ME2: variants seen among roughly 807,000 people sequenced by gnomAD.
ME2 encodes malic enzyme 2.
Under a neutral mutation model 73.7 loss-of-function variants are expected in ME2, and 60 were observed. The ratio of observed to expected loss-of-function variants is 0.81; its 90% CI spans 0.66 to 1.01. The LOEUF is 1.01. ME2 is among the 50% of genes least tolerant of loss of function. The pLI is 0.00. For synonymous variants in ME2, 199 were observed against 236.9 expected (o/e 0.84, Z 1.47); for missense variants, 594 against 705.5 (o/e 0.84, Z 1.79).
chr18:50,943,331 ACTCTGTCACC>A (rs1180680917), intron 15 of ME2, among the ~76,000 whole-genome samples: 5 of 151,062 alleles, frequency 3.3e-5, no homozygotes, highest in Admixed American at 6.6e-5. Context: ...GCCGAGTTTT[ACTCTGTCACC>A]CAGGTTGGAG....
At chr18:50,894,554 A>G (rs1464531275) in intron 1 of ME2, among the ~76,000 whole-genome samples, 1 of 138,044 alleles carries the variant, frequency 7.2e-6, no homozygotes, top group East Asian at 2.2e-4. Flanking sequence ...GGTGACAGAA[A>G]GAGACTCCAT....
chr18:50,941,948 T>C (rs1305485262), intron 15 of ME2, among the ~76,000 whole-genome samples: 1 of 151,950 alleles, frequency 6.6e-6, no homozygotes, highest in Non-Finnish European at 1.5e-5. Context: ...ATATTAAGTG[T>C]ATATATACTG....
chr18:50,879,785 T>G (rs954497784), intron 1 of ME2, among the ~76,000 whole-genome samples: 1 of 152,254 alleles, frequency 6.6e-6, no homozygotes, highest in Non-Finnish European at 1.5e-5. Flanking sequence ...AAAAAAAGAC[T>G]TGCTGCGGGC....
rs1205729083 is a variant in ME2, at chr18:50,950,042, G to T, written c.*2858G>T. 1 of 152,136 alleles carries T rather than the reference G, an allele frequency of 6.6e-6. No individual in the cohort carries two copies. Among genetic ancestry groups the T allele is most frequent in the African/African-American group, 2.4e-5 (1 of 41,418 alleles). The allele number at this position is 152,136 out of a possible 1,614,324, so 9.4% of individuals were successfully genotyped here. ...ACAGCAATAGAGAATCTTTTATTTT[G>T]AATTGAGAAGAAATTCTGATGATTA... On this transcript the variant is annotated 3_prime_UTR_variant, in exon 16 of 16. Coordinates refer to ENST00000321341, the MANE Select transcript of ME2 (RefSeq NM_002396.5).
chr18:50,885,257 C>T (rs1916432409), intron 1 of ME2, among the ~76,000 whole-genome samples: 1 of 152,228 alleles, frequency 6.6e-6, no homozygotes, highest in Admixed American at 6.5e-5. Context: ...TGTGATGGCT[C>T]ATGCCTCTAA....
chr18:50,907,100 A>G (rs993543929), intron 2 of ME2, among the ~76,000 whole-genome samples: 3 of 152,128 alleles, frequency 2.0e-5, no homozygotes, highest in Admixed American at 6.5e-5. Flanking sequence ...ACTTCTGGGG[A>G]AATGGCTTTT....
At chr18:50,910,136 T>A (rs1186193556) in intron 3 of ME2, among the ~76,000 whole-genome samples, 1 of 151,380 alleles carries the variant, frequency 6.6e-6, no homozygotes, top group Non-Finnish European at 1.5e-5. Flanking sequence ...GGCTATAAGA[T>A]AAAGCTGAAC....
chr18:50,927,751 T>TATATATATATATATACACAC (rs1316314513), intron 12 of ME2, among the ~76,000 whole-genome samples: 1 of 123,292 alleles, frequency 8.1e-6, no homozygotes, highest in African/African-American at 3.3e-5. Context: ...TATATATATA[T>TATATATATATATATACACAC]ACACACCACA....
chr18:50,881,487 C>T (rs1205002173), intron 1 of ME2, among the ~76,000 whole-genome samples: 1 of 151,932 alleles, frequency 6.6e-6, no homozygotes, highest in African/African-American at 2.4e-5. Context: ...TTGAAAGTTA[C>T]GATTTTGATT....
chr18:50,946,611 AT>A (rs1374606721), intron 15 of ME2, among the ~76,000 whole-genome samples: 1 of 152,178 alleles, frequency 6.6e-6, no homozygotes, highest in African/African-American at 2.4e-5. Context: ...ATCCTGATTT[AT>A]AATAATTACT....
rs1918261741 is a variant in ME2, at chr18:50,953,315, G to A, written c.*6131G>A. 1 of 152,152 alleles carries A rather than the reference G, an allele frequency of 6.6e-6. No homozygotes were observed. Among genetic ancestry groups the A allele is most frequent in the Non-Finnish European group, 1.5e-5 (1 of 68,016 alleles). 9.4% of individuals were successfully genotyped at this position (152,152 alleles called of 1,614,324 possible). Reference sequence around the variant, plus strand: ...GGGTTTCACCGTGTTAGCCAGGATGGTCTCGATCTCCTGACCTCATGATCC... The same window carrying A: ...GGGTTTCACCGTGTTAGCCAGGATGATCTCGATCTCCTGACCTCATGATCC... On this transcript the variant is annotated 3_prime_UTR_variant, in exon 16 of 16. Transcript: ENST00000321341.
At position 50,920,709 on chromosome 18, in the gene ME2, T is replaced by A; in HGVS notation, c.893T>A (p.Ile298Asn). 6.2e-7 allele frequency: 1 copy of A among 1,612,290 alleles called. No homozygotes were observed. The highest frequency in any genetic ancestry group is 1.1e-5 in the South Asian group (1 of 90,922). The change falls in exon 9 of 16, where the codon ATT (isoleucine) becomes AAT (asparagine). Residue 298 changes from isoleucine to asparagine, a missense_variant. Ile to Asn is a moderately radical substitution (Grantham distance 149). Transcript: ENST00000321341. ...GGTCTTCTTGCAGCACAAAAAGTTA[T>A]TAGTAAACCAATCTCCGAACACAAA... ...LAGLLAAQKV[I>N]SKPISEHKIL...
Position 50,914,474 on chromosome 18 carries a change from G to T in ME2, c.392+1524G>T, listed in dbSNP as rs145203064. On this transcript the variant is annotated intron_variant, in intron 4 of 15. Coordinates refer to ENST00000321341, the MANE Select transcript of ME2 (RefSeq NM_002396.5). ...TGAGAACTGACTTGAAACATGAAGA[G>T]CATGGCTTATGTGTGAGGGCAAATA... Among the ~76,000 whole-genome samples the T allele has an allele frequency of 2.3e-3, 350 of 152,246 alleles. 2 individuals carry two copies. Among genetic ancestry groups the T allele is most frequent in the African/African-American group, 8.2e-3 (342 of 41,548 alleles).
intron 15 of ME2, among the ~76,000 whole-genome samples, chr18:50,941,349 G>GTTTTTTTTTTTTTTTTTTTTT (rs1568176416): frequency 9.5e-6 from 1 of 105,320 alleles, no homozygotes; most frequent in Non-Finnish European, 1.8e-5. Context: ...ATTTGTGATG[G>GTTTTTTTTTTTTTTTTTTTTT]TTTCTTTTTT....
intron 3 of ME2, among the ~76,000 whole-genome samples, chr18:50,910,374 G>A (rs949024169): frequency 4.0e-5 from 6 of 149,544 alleles, no homozygotes; most frequent in African/African-American, 1.5e-4. Context: ...AGGAGGTCAA[G>A]GCTGCAGTGA....
intron 2 of ME2, among the ~76,000 whole-genome samples, chr18:50,898,792 A>C (rs533086437): frequency 6.6e-6 from 1 of 152,242 alleles, no homozygotes; most frequent in African/African-American, 2.4e-5. Context: ...GCAGGAGTTT[A>C]GGTGCTAATT....
chr18:50,913,822 C>T lies in ME2; in HGVS notation c.392+872C>T, dbSNP rs143477616. Among the ~76,000 whole-genome samples, 7 of 143,556 alleles carry T rather than the reference C, an allele frequency of 4.9e-5. No homozygotes were observed. In the East Asian group the frequency reaches 1.5e-3, roughly 31 times the overall value. 94.2% of individuals were successfully genotyped at this position (143,556 alleles called of 152,430 possible). A position where few individuals can be genotyped will look rare whatever the true frequency, so the allele number is the denominator to read the frequency against. On this transcript the variant is annotated intron_variant, in intron 4 of 15. Transcript: ENST00000321341. The stretch of plus-strand genomic sequence containing the variant: ...CCTATCAAAGAGCTATTGGAGAAAC[C>T]AATGTGACAGTTCTTTGGAAAATTA...
intron 5 of ME2, 184 bp from the exon 6 acceptor site, chr18:50,917,163 A>G (rs1409057047): frequency 1.4e-5 from 7 of 498,898 alleles, no homozygotes; most frequent in Non-Finnish European, 2.5e-5. Flanking sequence ...AATGTCTCAT[A>G]ATACTCAGAA....
In ME2 at chr18:50,912,804, T is replaced by C; in HGVS notation, c.246T>C (p.Tyr82=). The C allele has an allele frequency of 6.3e-7, 1 of 1,585,654 alleles. No individual in the cohort carries two copies. The change falls in exon 4 of 16, where the codon TAT becomes TAC. Residue 82 remains tyrosine, a synonymous_variant. Coordinates refer to ENST00000321341, the MANE Select transcript of ME2 (RefSeq NM_002396.5). The part of the protein sequence containing the change: ...LKKMTSPLEK[Y]IYIMGIQERN... ...TATTTACTGTGCTTCATTTCAGATA[T>C]ATCTACATAATGGGAATACAAGAAA...
Sources: gnomAD v4.1 joint callset for allele counts (sites outside exome capture counted in the v4.1 genomes callset) on GRCh38, gnomAD v4.1.1 for gene constraint, MANE v1.5 for transcripts, NCBI Gene and HGNC (gene_info 2026-07-23, HGNC 2026-07-21) for gene names.